The following NOTCH3 variants were observed in gnomAD, a reference collection of about 807,000 sequenced individuals.
NOTCH3 encodes the protein neurogenic locus notch homolog protein 3.
In NOTCH3, 86 loss-of-function variants were observed where a neutral mutation model predicts 213.3. That is an observed-to-expected ratio of 0.40 (90% CI 0.34 to 0.48). The LOEUF (loss-of-function observed/expected upper bound fraction) is 0.48, where lower values mean the gene tolerates loss of function less well. Among genes scored for constraint, NOTCH3 ranks in the 20% least tolerant of loss-of-function variants. NOTCH3 has a pLI of 0.57. For synonymous variants in NOTCH3, 1,354 were observed against 1,355.9 expected, an observed-to-expected ratio of 1.00 and a Z score of 0.03; for missense variants, 2,783 against 3,272.6, an observed-to-expected ratio of 0.85 and a Z score of 3.65.
In NOTCH3 at chr19:15,179,361, T is replaced by C; in HGVS notation, c.3460+3A>G. 6.2e-7 allele frequency: 1 copy of C among 1,613,830 alleles called. No homozygotes were observed. Among genetic ancestry groups the C allele is most frequent in the Non-Finnish European group, 8.5e-7 (1 of 1,179,950 alleles). ...TGTCCCCCCAACCCTGGCCCTGGCATACCCAGCGTTCCTGGGGGACAGGAG... is the reference window on the plus strand; with the variant it reads ...TGTCCCCCCAACCCTGGCCCTGGCACACCCAGCGTTCCTGGGGGACAGGAG... On this transcript the variant is annotated splice_donor_region_variant and intron_variant, in intron 21 of 32. Coordinates refer to ENST00000263388, the MANE Select transcript of NOTCH3 (RefSeq NM_000435.3).
intron 23 of NOTCH3, 61 bp from the exon 24 acceptor site, chr19:15,178,151 G>C (rs1354782263): frequency 3.8e-6 from 4 of 1,043,256 alleles, no homozygotes; most frequent in Non-Finnish European, 5.6e-6. Flanking sequence ...AGGGAAGGAG[G>C]AGAAGAAATG....
rs747886116 is a variant in NOTCH3, at chr19:15,192,284, G to A, written c.355C>T (p.Leu119=). The A allele has an allele frequency of 6.8e-5, 109 of 1,602,948 alleles. No homozygotes were observed. Among genetic ancestry groups the A allele is most frequent in the Non-Finnish European group, 9.0e-5 (106 of 1,175,540 alleles). Reference sequence around the variant, plus strand: ...GGGCTGCTGAGGCAGGGATCTGGCAGGGAGCAGTCAGGGCCTGGAGGGACC... The same window carrying A: ...GGGCTGCTGAGGCAGGGATCTGGCAAGGAGCAGTCAGGGCCTGGAGGGACC... ...PRGFRGPDCS[L]PDPCLSSPCA... is the part of the protein sequence containing the mutation. The change falls in exon 4 of 33, where the codon CTG becomes TTG. Residue 119 remains leucine (L), a synonymous_variant. Coordinates refer to ENST00000263388, the MANE Select transcript of NOTCH3 (RefSeq NM_000435.3).
intron 6 of NOTCH3, among the ~76,000 whole-genome samples, chr19:15,189,711 G>T (rs1423671011): frequency 1.3e-5 from 2 of 151,658 alleles, no homozygotes; most frequent in South Asian, 2.1e-4. Context: ...TAGAAACGGG[G>T]TTTCACCAAG....
intron 23 of NOTCH3, chr19:15,178,573 C>T (rs1321660295): frequency 1.8e-6 from 1 of 557,734 alleles, no homozygotes; most frequent in South Asian, 2.0e-5. Flanking sequence ...TTAGTAGAGA[C>T]GGGGTTTCAC....
Position 15,185,151 on chromosome 19 carries a change from G to A in NOTCH3, c.2296+106C>T. The A allele has an allele frequency of 6.7e-7, 1 of 1,486,524 alleles. No homozygotes were observed. The highest frequency in any genetic ancestry group is 1.7e-5 in the Admixed American group (1 of 57,206). The allele number at this position is 1,486,524 out of a possible 1,614,324, so 92.1% of individuals were successfully genotyped here. On this transcript the variant is annotated intron_variant, in intron 14 of 32. Coordinates refer to ENST00000263388, the MANE Select transcript of NOTCH3 (RefSeq NM_000435.3). The surrounding 1 kb of genome is among the most constrained non-coding windows in gnomAD (Gnocchi z 4.2). ...CCCAAGCTCCTGGAGGGAAATGATT[G>A]AAAGCAAAAAAGAAGCTAACATAGC...
At chr19:15,169,003 T>C (rs1160155864) in intron 28 of NOTCH3, among the ~76,000 whole-genome samples, 1 of 152,064 alleles carries the variant, frequency 6.6e-6, no homozygotes, top group Non-Finnish European at 1.5e-5. Context: ...AGGCTCCAAC[T>C]CCTGGACTCA....
intron 2 of NOTCH3, among the ~76,000 whole-genome samples, chr19:15,196,811 T>A (rs1438221906): frequency 6.6e-6 from 1 of 152,188 alleles, no homozygotes; most frequent in Non-Finnish European, 1.5e-5. Flanking sequence ...AAAGCTTGAA[T>A]GCTCAAGGTG....
In NOTCH3 at chr19:15,179,301, G is replaced by T. The variant is rs752190683; in HGVS notation, c.3461-19C>A. On this transcript the variant is annotated intron_variant, in intron 21 of 32. Coordinates refer to ENST00000263388, the MANE Select transcript of NOTCH3 (RefSeq NM_000435.3). ...AGCACCCCTGGGGGAAGAAACGAGG[G>T]GTGGTCAAGAGGGAATGAAGACAGC... 1.2e-6 allele frequency: 2 copies of T among 1,611,394 alleles called. No individual in the cohort carries two copies. Among genetic ancestry groups the T allele is most frequent in the Non-Finnish European group, 1.7e-6 (2 of 1,178,168 alleles).
In NOTCH3 at chr19:15,165,093, T is replaced by C. The variant is rs531682361; in HGVS notation, c.5815+275A>G. ...CACATGGCCTGATGTGTACGTTTAT[T>C]ATAATAACTTCCAGCAGGTGGAAGT... On this transcript the variant is annotated intron_variant, in intron 31 of 32. Coordinates refer to ENST00000263388, the MANE Select transcript of NOTCH3 (RefSeq NM_000435.3). The surrounding 1 kb of genome is among the most constrained non-coding windows in gnomAD (Gnocchi z 4.7). 4.2e-4 allele frequency among the ~76,000 whole-genome samples: 64 copies of C among 152,234 alleles called. No individual in the cohort carries two copies. The highest frequency in any genetic ancestry group is 3.4e-3 in the Middle Eastern group (1 of 294).
intron 6 of NOTCH3, 150 bp from the exon 7 acceptor site, chr19:15,189,578 G>T (rs2046912376): frequency 1.1e-6 from 1 of 931,754 alleles, no homozygotes; most frequent in African/African-American, 1.6e-5. Context: ...GAGTACAATA[G>T]CGCGATCTTG....
intron 2 of NOTCH3, among the ~76,000 whole-genome samples, chr19:15,194,063 CAGAG>C (rs1490737969): frequency 6.6e-6 from 1 of 152,096 alleles, no homozygotes; most frequent in Admixed American, 6.6e-5. Context: ...GCCTGGGTGA[CAGAG>C]AGAGACTCCA....
chr19:15,188,246 G>A lies in NOTCH3; in HGVS notation c.1481C>T (p.Thr494Ile). The A allele has an allele frequency of 6.3e-7, 1 of 1,598,698 alleles. No homozygotes were observed. The highest frequency in any genetic ancestry group is 8.5e-7 in the Non-Finnish European group (1 of 1,171,822). The change falls in exon 9 of 33, where the codon ACC becomes ATC. Residue 494 changes from threonine (T) to isoleucine (I), a missense_variant. By Grantham distance (89) the Thr-to-Ile change is moderately conservative (BLOSUM62 -1). This residue lies in a region of NOTCH3 where 708 missense variants were observed against 906.6 expected (regional missense o/e 0.78). Transcript: ENST00000263388. ...CKDRVNGFSC[T>I]CPSGFSGSTC... is the part of the protein sequence containing the mutation. ...CCTGAGGTCCTCACCCGAGGGGCAG[G>A]TGCAGCTGAAGCCATTGACTCGGTC...
chr19:15,162,955 GTCC>G lies in NOTCH3; in HGVS notation c.5816-396_5816-394del, dbSNP rs371743294. ...GTCTTGTTCTGTCACCCAGGCTGGAGTCCATTGGCACAATCTCAGTTCACTGCA... is the reference window on the plus strand; with the variant it reads ...GTCTTGTTCTGTCACCCAGGCTGGAGATTGGCACAATCTCAGTTCACTGCA... On this transcript the variant is annotated intron_variant, in intron 31 of 32. Coordinates refer to ENST00000263388, the MANE Select transcript of NOTCH3 (RefSeq NM_000435.3). Among the ~76,000 whole-genome samples the G allele has an allele frequency of 1.6e-4, 24 of 152,266 alleles. No individual in the cohort carries two copies. In the East Asian group the frequency reaches 4.4e-3, roughly 28 times the overall value.
Position 15,188,348 on chromosome 19 carries a change from C to T in NOTCH3, c.1379G>A (p.Gly460Asp). Reference protein sequence around the residue: ...IGQFTCICMAGFTGTYCEVDI... With the variant: ...IGQFTCICMADFTGTYCEVDI... Reference sequence around the variant, plus strand: ...CACCTCGCAATAGGTTCCTGTGAAGCCTGGGGCAGGGAATAGGGCTTAGGA... The same window carrying T: ...CACCTCGCAATAGGTTCCTGTGAAGTCTGGGGCAGGGAATAGGGCTTAGGA... Residue 460 changes from glycine (G) to aspartate (D), a missense_variant and splice_region_variant, in exon 9 of 33, where the codon GGC (glycine) becomes GAC (aspartate). Coordinates refer to ENST00000263388, the MANE Select transcript of NOTCH3 (RefSeq NM_000435.3). The T allele has an allele frequency of 6.3e-7, 1 of 1,595,862 alleles. No individual in the cohort carries two copies. The highest frequency in any genetic ancestry group is 1.7e-5 in the Admixed American group (1 of 58,226).
At position 15,174,392 on chromosome 19, in the gene NOTCH3, T is replaced by A; in HGVS notation, c.4412A>T (p.Tyr1471Phe). 6.6e-7 allele frequency: 1 copy of A among 1,524,872 alleles called. No homozygotes were observed. Among genetic ancestry groups the A allele is most frequent in the South Asian group, 1.2e-5 (1 of 80,960 alleles). 94.5% of individuals were successfully genotyped at this position (1,524,872 alleles called of 1,614,324 possible). The change falls in exon 25 of 33, where the codon TAC becomes TTC. Residue 1471 changes from tyrosine to phenylalanine, a missense_variant. By Grantham distance (22) the Tyr-to-Phe change is conservative. Coordinates refer to ENST00000263388, the MANE Select transcript of NOTCH3 (RefSeq NM_000435.3). ...AAAGTGGTCGGCGCAGTACTTCTCG[T>A]ACACCGGGCTGGTGGGGAAGGGTGA... is the stretch of plus-strand genomic sequence containing the variant. ...GGRERTCNPV[Y>F]EKYCADHFAD...
chr19:15,200,253 G>C (rs2145456285), intron 1 of NOTCH3, among the ~76,000 whole-genome samples: 1 of 151,784 alleles, frequency 6.6e-6, no homozygotes, highest in African/African-American at 2.4e-5. Context: ...GCTCCGGCTC[G>C]GAATCCGGCT....
In NOTCH3 at chr19:15,181,566, C is replaced by G; in HGVS notation, c.2792+10G>C. ...AGAGTCCCTGCTCTCCAAGCAGAGG[C>G]CCCGCCCACCTGGGGCTGCAGTCGG... On this transcript the variant is annotated intron_variant, in intron 17 of 32. Transcript: ENST00000263388. 6.5e-7 allele frequency: 1 copy of G among 1,548,688 alleles called. No individual in the cohort carries two copies. Among genetic ancestry groups the G allele is most frequent in the Non-Finnish European group, 8.7e-7 (1 of 1,145,374 alleles).
chr19:15,188,005 G>A lies in NOTCH3; in HGVS notation c.1493-11C>T, dbSNP rs1348363227. On this transcript the variant is annotated splice_polypyrimidine_tract_variant and intron_variant, in intron 9 of 32. Coordinates refer to ENST00000263388, the MANE Select transcript of NOTCH3 (RefSeq NM_000435.3). ...TGGAGCCGCTGAAGCCTGGGGTGGGGAGTGGGATGAGCAGAGGCCCAGAAA... is the reference window on the plus strand; with the variant it reads ...TGGAGCCGCTGAAGCCTGGGGTGGGAAGTGGGATGAGCAGAGGCCCAGAAA... 1.3e-6 allele frequency: 2 copies of A among 1,546,646 alleles called. No individual in the cohort carries two copies. Among genetic ancestry groups the A allele is most frequent in the Non-Finnish European group, 1.8e-6 (2 of 1,142,764 alleles).
chr19:15,186,107 T>A (rs543195273), intron 12 of NOTCH3, among the ~76,000 whole-genome samples: 1 of 151,780 alleles, frequency 6.6e-6, no homozygotes, highest in East Asian at 1.9e-4. Flanking sequence ...TTTATCTACG[T>A]ATTGACTAAT....
Sources: gnomAD v4.1 joint callset for allele counts (sites outside exome capture counted in the v4.1 genomes callset) on GRCh38, gnomAD v4.1.1 for gene constraint, gnomAD v4.1.1 regional missense constraint, Gnocchi (gnomAD v3.1) non-coding constraint, MANE v1.5 for transcripts, NCBI Gene and HGNC (gene_info 2026-07-23, HGNC 2026-07-21) for gene names.